The following AP2A1 variants were observed in gnomAD, a reference collection of about 807,000 sequenced individuals.
AP2A1 encodes the protein AP-2 complex subunit alpha-1.
Under a neutral mutation model 107.3 loss-of-function variants are expected in AP2A1, and 21 were observed. The observed-to-expected ratio is 0.20, with a 90% confidence interval of 0.14 to 0.28. The LOEUF is 0.28. AP2A1 is among the 10% of genes least tolerant of loss of function. The pLI is 1.00. For missense variants in AP2A1, 873 were observed against 1,307.7 expected (o/e 0.67, Z 5.13); for synonymous variants, 602 against 564.8 (o/e 1.07, Z -0.93).
intron 4 of AP2A1, among the ~76,000 whole-genome samples, chr19:49,786,338 G>C (rs116004511): frequency 2.6e-5 from 4 of 152,246 alleles, no homozygotes; most frequent in African/African-American, 9.6e-5. Flanking sequence ...CTGAATCAGC[G>C]TAAAAATTAT....
intron 4 of AP2A1, 88 bp downstream of exon 4, chr19:49,782,812 G>C: frequency 7.1e-7 from 1 of 1,409,250 alleles, no homozygotes; most frequent in Non-Finnish European, 9.4e-7. Context: ...TCTGTTGCCT[G>C]CCCAAGGTCT....
In AP2A1 at chr19:49,803,372, G is replaced by T. The variant is rs1434506009; in HGVS notation, c.2340G>T (p.Gln780His). Residue 780 changes from glutamine (Q) to histidine (H), a missense_variant, in exon 18 of 23, where the codon CAG becomes CAT. By Grantham distance (24) the Gln-to-His change is conservative. Coordinates refer to ENST00000354293, the MANE Select transcript of AP2A1 (RefSeq NM_130787.3). ...CTGTGGTTCACCCGGGAGACCTCCA[G>T]ACTCATATCCTCTCAGGCCCGGCCC... ...SPTVVHPGDL[Q>H]TQLAVQTKRV... 1 of 1,613,644 alleles carries T rather than the reference G, an allele frequency of 6.2e-7. No individual in the cohort carries two copies. The highest frequency in any genetic ancestry group is 8.5e-7 in the Non-Finnish European group (1 of 1,179,652).
chr19:49,801,947 C>A, intron 14 of AP2A1, 34 bp from the exon 15 acceptor site: 1 of 1,463,224 alleles, frequency 6.8e-7, no homozygotes, highest in Non-Finnish European at 9.0e-7. Flanking sequence ...TGCCGGGCGC[C>A]GCCTGTCCTC....
chr19:49,801,718 C>A lies in AP2A1; in HGVS notation c.1786-4C>A. ...ACTGACCTTCCCCACCCCGACCGCG[C>A]CAGGCCACGGTGCTGGAGGAGATGC... On this transcript the variant is annotated splice_region_variant and splice_polypyrimidine_tract_variant and intron_variant, in intron 13 of 22. Coordinates refer to ENST00000354293, the MANE Select transcript of AP2A1 (RefSeq NM_130787.3). 1 of 1,556,560 alleles carries A rather than the reference C, an allele frequency of 6.4e-7. No homozygotes were observed. Among genetic ancestry groups the A allele is most frequent in the South Asian group, 1.2e-5 (1 of 84,020 alleles).
rs1184987560 is a variant in AP2A1 at position 49,791,957 on chromosome 19, C to G, written c.496C>G (p.Gln166Glu). ...VAGDSMDSVK[Q>E]SAALCLLRLY... ...CAGGGACAGCATGGACAGTGTCAAG[C>G]AGAGTGCGGCCCTGTGCCTCCTTCG... The change falls in exon 5 of 23, where the codon CAG becomes GAG. Residue 166 changes from glutamine (Q) to glutamate (E), a missense_variant. Physicochemically the swap from Gln to Glu is conservative, Grantham distance 29. Around this residue, in one of 4 missense-constraint regions of AP2A1, gnomAD observed 157 missense variants for 212.6 expected, o/e 0.74. Transcript: ENST00000354293. 1.2e-6 allele frequency: 2 copies of G among 1,610,796 alleles called. No individual in the cohort carries two copies. The highest frequency in any genetic ancestry group is 4.5e-5 in the East Asian group (2 of 44,828).
chr19:49,793,851 G>A (rs958364532), intron 6 of AP2A1, among the ~76,000 whole-genome samples: 1 of 150,378 alleles, frequency 6.6e-6, no homozygotes, highest in Non-Finnish European at 1.5e-5. Flanking sequence ...GCCTGGATTC[G>A]CAGGCAAAGA....
chr19:49,801,995 C>A lies in AP2A1; in HGVS notation c.1968C>A (p.Pro656=). Residue 656 remains proline (P), a synonymous_variant, in exon 15 of 23, where the codon CCC becomes CCA. Transcript: ENST00000354293. ...GCTTCCTACAGTCGACGCCCTCGCCCTCCGCCGACCTCCTGGGGCTGCGGG... is the reference window on the plus strand; with the variant it reads ...GCTTCCTACAGTCGACGCCCTCGCCATCCGCCGACCTCCTGGGGCTGCGGG... ...PTPSTVSTPS[P]SADLLGLRAA... The A allele has an allele frequency of 6.6e-7, 1 of 1,525,474 alleles. No homozygotes were observed. 94.5% of individuals were successfully genotyped at this position (1,525,474 alleles called of 1,614,324 possible).
intron 4 of AP2A1, 126 bp from the exon 5 acceptor site, chr19:49,791,809 C>T (rs1301915130): frequency 8.6e-6 from 11 of 1,279,216 alleles, no homozygotes; most frequent in South Asian, 4.3e-5. Context: ...ATCCTGCGGC[C>T]GCCTGGCTGT....
chr19:49,781,955 G>A lies in AP2A1; in HGVS notation c.145G>A (p.Ala49Thr). The change falls in exon 3 of 23, where the codon GCC becomes ACC. Residue 49 changes from alanine (A) to threonine (T), a missense_variant. By Grantham distance (58) the Ala-to-Thr change is moderately conservative. Coordinates refer to ENST00000354293, the MANE Select transcript of AP2A1 (RefSeq NM_130787.3). ...NIRSKFKGDK[A>T]LDGYSKKKYV... ...TCCTTCCTCTGCCCTAGGAGACAAA[G>A]CCTTGGATGGCTACAGTAAGAAAAA... The A allele has an allele frequency of 6.2e-7, 1 of 1,612,998 alleles. No homozygotes were observed. Among genetic ancestry groups the A allele is most frequent in the Non-Finnish European group, 8.5e-7 (1 of 1,179,530 alleles).
Position 49,801,899 on chromosome 19 carries a change from C to T in AP2A1, c.1953+10C>T. ...CACCCCCAGCACTGTGGTGAGTCCC[C>T]TGGGGTGGGCCCTGCCAGGGTGCCT... On this transcript the variant is annotated intron_variant, in intron 14 of 22. Coordinates refer to ENST00000354293, the MANE Select transcript of AP2A1 (RefSeq NM_130787.3). The T allele has an allele frequency of 6.8e-7, 1 of 1,470,796 alleles. No homozygotes were observed. Among genetic ancestry groups the T allele is most frequent in the Non-Finnish European group, 9.0e-7 (1 of 1,115,046 alleles). 91.1% of individuals were successfully genotyped at this position (1,470,796 alleles called of 1,614,324 possible).
At chr19:49,783,570 A>G (rs1231535012) in intron 4 of AP2A1, among the ~76,000 whole-genome samples, 4 of 152,204 alleles carry the variant, frequency 2.6e-5, no homozygotes, top group Non-Finnish European at 5.9e-5. Context: ...AAAAGAGGAA[A>G]GACAATATTA....
chr19:49,795,605 C>G, intron 6 of AP2A1, 25 bp from the exon 7 acceptor site: 2 of 812,258 alleles, frequency 2.5e-6, no homozygotes, highest in South Asian at 3.0e-5. Context: ...CAGCCCCCAA[C>G]TTATTTCTTG....
Position 49,803,500 on chromosome 19 carries a change from G to T in AP2A1, c.2344+124G>T. On this transcript the variant is annotated intron_variant, in intron 18 of 22. Coordinates refer to ENST00000354293, the MANE Select transcript of AP2A1 (RefSeq NM_130787.3). ...CTCTTGGGCACGCAATTAGTTCTCTGAGATTGAGTGTCTGCATCTGTTAAG... is the reference window on the plus strand; with the variant it reads ...CTCTTGGGCACGCAATTAGTTCTCTTAGATTGAGTGTCTGCATCTGTTAAG... 5 of 751,934 alleles carry T rather than the reference G, an allele frequency of 6.6e-6. No homozygotes were observed. The South Asian group carries it at 7.8e-5, about 12-fold the overall frequency. The allele number at this position is 751,934 out of a possible 1,614,324, so 46.6% of individuals were successfully genotyped here. A position where few individuals can be genotyped will look rare whatever the true frequency, so the allele number is the denominator to read the frequency against.
chr19:49,777,307 A>G (rs1273643), intron 1 of AP2A1, among the ~76,000 whole-genome samples: 75,112 of 151,810 alleles, frequency 0.49, 18,714 homozygotes, highest in East Asian at 0.56. Flanking sequence ...TATATATGTA[A>G]ATACATTTTA....
chr19:49,781,698 G>A (rs2084677445), intron 1 of AP2A1, 59 bp from the exon 2 acceptor site: 3 of 1,515,456 alleles, frequency 2.0e-6, no homozygotes, highest in Middle Eastern at 3.4e-4. Flanking sequence ...CTAGGAAAGA[G>A]AGGGCAGGTG....
Position 49,787,355 on chromosome 19 carries a change from T to G in AP2A1, c.474-4580T>G, listed in dbSNP as rs1468630242. Among the ~76,000 whole-genome samples, 13 of 111,564 alleles carry G rather than the reference T, an allele frequency of 1.2e-4. 1 individual carries two copies. The highest frequency in any genetic ancestry group is 4.3e-4 in the African/African-American group (12 of 28,022). The allele number at this position is 111,564 out of a possible 152,430, so 73.2% of individuals were successfully genotyped here. ...TTTTGTTTGTTTTTTTTGTTTTTTG[T>G]TTTTTTTTTTTTGAGGCAGTCTCTC... On this transcript the variant is annotated intron_variant, in intron 4 of 22. Coordinates refer to ENST00000354293, the MANE Select transcript of AP2A1 (RefSeq NM_130787.3).
Position 49,805,956 on chromosome 19 carries a change from G to A in AP2A1, c.2655+15G>A, listed in dbSNP as rs1486066427. 1.9e-6 allele frequency: 3 copies of A among 1,613,610 alleles called. No individual in the cohort carries two copies. The highest frequency in any genetic ancestry group is 2.2e-5 in the East Asian group (1 of 44,904). ...CTAAGGCCAAGGTGAGAGACCGCGG[G>A]CGTGTTTGCCGGCCTATGGCTGCTT... is the stretch of plus-strand genomic sequence containing the variant. On this transcript the variant is annotated intron_variant, in intron 21 of 22. Coordinates refer to ENST00000354293, the MANE Select transcript of AP2A1 (RefSeq NM_130787.3).
Position 49,774,793 on chromosome 19 carries a change from C to A in AP2A1, c.68-6964C>A, listed in dbSNP as rs967662946. Among the ~76,000 whole-genome samples the A allele has an allele frequency of 4.3e-4, 66 of 152,022 alleles. 4 individuals are homozygous for A. Among genetic ancestry groups the A allele is most frequent in the Non-Finnish European group, 1.5e-5 (1 of 68,012 alleles). ...CAAATTAGCTGGGCCTCGTGGCACA[C>A]CTGTAGTCCTAGCCACTCGGGAGGC... On this transcript the variant is annotated intron_variant, in intron 1 of 22. Transcript: ENST00000354293.
At chr19:49,805,314 G>A (rs1247925759) in intron 18 of AP2A1, 139 bp from the exon 19 acceptor site, 7 of 1,053,320 alleles carry the variant, frequency 6.6e-6, no homozygotes, top group Non-Finnish European at 9.2e-6. Flanking sequence ...GTTGAACCTT[G>A]TAGGATTGAG....
Sources: gnomAD v4.1 joint callset for allele counts (sites outside exome capture counted in the v4.1 genomes callset) on GRCh38, gnomAD v4.1.1 for gene constraint, gnomAD v4.1.1 regional missense constraint, MANE v1.5 for transcripts, NCBI Gene and HGNC (gene_info 2026-07-23, HGNC 2026-07-21) for gene names.